The following PSG4 variants were observed in gnomAD, a reference collection of about 807,000 sequenced individuals.
PSG4 encodes pregnancy-specific beta-1-glycoprotein 4.
Under a neutral mutation model 44.3 loss-of-function variants are expected in PSG4, and 61 were observed. That is an observed-to-expected ratio of 1.38 (90% CI 1.12 to 1.70). PSG4 has a LOEUF of 1.70. PSG4 is among the 40% of genes most tolerant of loss of function. The probability of loss-of-function intolerance (pLI) is 0.00; values close to 1 mark genes in which losing one functional copy is unlikely to be tolerated. For missense variants in PSG4, 677 were observed against 511.7 expected, an observed-to-expected ratio of 1.32 and a Z score of -3.12; for synonymous variants, 248 against 191.3, an observed-to-expected ratio of 1.30 and a Z score of -2.45.
In PSG4 at chr19:43,195,162, C is replaced by T. The variant is rs745923046; in HGVS notation, c.821G>A (p.Trp274Ter). 8.1e-6 allele frequency: 13 copies of T among 1,610,298 alleles called. No individual in the cohort carries two copies. The East Asian group carries it at 2.9e-4, about 36-fold the overall frequency. The change falls in exon 4 of 6, where the codon TGG becomes TAG. Residue 274 changes from tryptophan to a stop codon, truncating the protein, a stop_gained. Coordinates refer to ENST00000405312, the MANE Select transcript of PSG4 (RefSeq NM_002780.5). LOFTEE classifies it high-confidence loss of function. ...PKSKNYTYIW[W>*]LNGQSLPVSP... ...GACAGGGAGGCTCTGACCATTTAGC[C>T]ACCAAATGTAGGTGTAGTTCTTACT...
At position 43,205,166 on chromosome 19, in the gene PSG4, A is replaced by G. The variant is rs542520817; in HGVS notation, c.64+307T>C. ...CCTGTCACCCAGGCTGGTGTGCAGTAGTGCTATCTTGGCTAGCTGCAACTT... is the reference window on the plus strand; with the variant it reads ...CCTGTCACCCAGGCTGGTGTGCAGTGGTGCTATCTTGGCTAGCTGCAACTT... On this transcript the variant is annotated intron_variant, in intron 1 of 5. Coordinates refer to ENST00000405312, the MANE Select transcript of PSG4 (RefSeq NM_002780.5). Among the ~76,000 whole-genome samples the G allele has an allele frequency of 3.2e-4, 37 of 116,816 alleles. 3 individuals are homozygous for G. In the South Asian group the frequency reaches 5.6e-3, roughly 18 times the overall value. 76.6% of individuals were successfully genotyped at this position (116,816 alleles called of 152,430 possible). A position where few individuals can be genotyped will look rare whatever the true frequency, so the allele number is the denominator to read the frequency against.
intron 3 of PSG4, among the ~76,000 whole-genome samples, chr19:43,196,118 G>A (rs1967234916): frequency 2.0e-5 from 3 of 151,792 alleles, no homozygotes; most frequent in East Asian, 3.9e-4. Flanking sequence ...GGAAAGTGTG[G>A]GAATGAACTG....
intron 5 of PSG4, 36 bp downstream of exon 5, chr19:43,194,304 A>G: frequency 6.2e-7 from 1 of 1,611,878 alleles, no homozygotes; most frequent in Non-Finnish European, 8.5e-7. Context: ...GACTCCACCT[A>G]AATCCCTATT....
intron 1 of PSG4, 117 bp from the exon 2 acceptor site, chr19:43,204,368 A>G: frequency 7.7e-7 from 1 of 1,292,602 alleles, no homozygotes; most frequent in Non-Finnish European, 1.1e-6. Flanking sequence ...ACACACATAC[A>G]AACACATACA....
intron 4 of PSG4, 196 bp downstream of exon 4, chr19:43,194,799 G>A (rs1284760708): frequency 2.7e-5 from 39 of 1,422,100 alleles, no homozygotes; most frequent in Non-Finnish European, 3.6e-5. Context: ...CCCATGACAA[G>A]AGCGTCCCCT....
chr19:43,194,351 A>G lies in PSG4; in HGVS notation c.1232T>C (p.Val411Ala). ...TGGGATCCACTTACCAGAGACTTTG[A>G]CTGTGATGGATTTGGAGCTTTCCTT... ...TGKESSKSITVKVSDWILP is the reference protein window; with the variant it reads ...TGKESSKSITAKVSDWILP Residue 411 changes from valine to alanine, a missense_variant, in exon 5 of 6, where the codon GTC (valine) becomes GCC (alanine). Transcript: ENST00000405312. The G allele has an allele frequency of 6.2e-7, 1 of 1,612,354 alleles. No homozygotes were observed. The highest frequency in any genetic ancestry group is 1.1e-5 in the South Asian group (1 of 91,026).
Position 43,192,754 on chromosome 19 carries a change from T to C in PSG4, c.*618A>G, listed in dbSNP as rs1441002182. 1 of 175,032 alleles carries C rather than the reference T, an allele frequency of 5.7e-6. No individual in the cohort carries two copies. The highest frequency in any genetic ancestry group is 5.5e-5 in the Admixed American group (1 of 18,212). 10.8% of individuals were successfully genotyped at this position (175,032 alleles called of 1,614,324 possible). A position where few individuals can be genotyped will look rare whatever the true frequency, so the allele number is the denominator to read the frequency against. ...TGCTAGAATCAGTATTACTGTCACG[T>C]TTTACACTGTATCTCTTAGGAAATG... On this transcript the variant is annotated 3_prime_UTR_variant, in exon 6 of 6. Coordinates refer to ENST00000405312, the MANE Select transcript of PSG4 (RefSeq NM_002780.5).
chr19:43,194,518 GA>G lies in PSG4; in HGVS notation c.1064del (p.Phe355SerfsTer30), dbSNP rs768985343. ...RSGENLYLSC[F>X]AESNPRAQYS... ...ATTGTGCCCGTGGGTTAGACTCGGC[GA>G]AGCAGGACAAGTAGAGGTTTTCTCC... On this transcript the variant is annotated frameshift_variant, in exon 5 of 6. Transcript: ENST00000405312. LOFTEE classifies it high-confidence loss of function. The G allele has an allele frequency of 6.2e-7, 1 of 1,612,568 alleles. No individual in the cohort carries two copies. The highest frequency in any genetic ancestry group is 2.2e-5 in the East Asian group (1 of 44,874).
chr19:43,193,295 T>C lies in PSG4; in HGVS notation c.*77A>G, dbSNP rs200149659. 8.4e-5 allele frequency: 65 copies of C among 773,452 alleles called. No homozygotes were observed. Among genetic ancestry groups the C allele is most frequent in the Non-Finnish European group, 9.3e-5 (39 of 417,592 alleles). The allele number at this position is 773,452 out of a possible 1,614,324, so 47.9% of individuals were successfully genotyped here. On this transcript the variant is annotated 3_prime_UTR_variant, in exon 6 of 6. Coordinates refer to ENST00000405312, the MANE Select transcript of PSG4 (RefSeq NM_002780.5). ...CATCGAGTTGTCCACCTCCAGCTTA[T>C]AGGGCTTCTGGAACAGAGTGGGTCT...
At chr19:43,193,819 G>C (rs1280764431) in intron 5 of PSG4, 3 of 561,156 alleles carry the variant, frequency 5.3e-6, no homozygotes, top group South Asian at 2.1e-5. Context: ...AATGTGTCCT[G>C]TTACAAAGAG....
chr19:43,201,849 C>A (rs1270728955), intron 2 of PSG4, among the ~76,000 whole-genome samples: 2 of 134,460 alleles, frequency 1.5e-5, no homozygotes, highest in African/African-American at 6.0e-5. Context: ...GTGCAGAAGG[C>A]CAGAAGAACT....
chr19:43,198,183 C>G lies in PSG4; in HGVS notation c.523G>C (p.Ala175Pro), dbSNP rs140068216. ...TTCATCCACCACTGGTAGCTTGCGG[C>G]TGGAGTCGCAGGATCACAGGTTAAG... ...VILTCDPATP[A>P]ASYQWWMNGQ... Residue 175 changes from alanine to proline, a missense_variant, in exon 3 of 6, where the codon GCC (alanine) becomes CCC (proline). By Grantham distance (27) the Ala-to-Pro change is conservative (BLOSUM62 -1). Coordinates refer to ENST00000405312, the MANE Select transcript of PSG4 (RefSeq NM_002780.5). The G allele has an allele frequency of 0.012, 18,261 of 1,587,800 alleles. 1,563 individuals carry two copies. The highest frequency in any genetic ancestry group is 0.013 in the Non-Finnish European group (15,805 of 1,171,876).
At chr19:43,194,752 C>A (rs1376745802) in intron 4 of PSG4, 158 bp from the exon 5 acceptor site, 4 of 1,424,118 alleles carry the variant, frequency 2.8e-6, no homozygotes, top group Non-Finnish European at 3.8e-6. Flanking sequence ...GAGGTATTCA[C>A]CTGTTTCTCC....
rs1450368768 is a variant in PSG4, at chr19:43,197,303, C to T, written c.709+694G>A. ...TTCCCTGATAGCTAGATAGACTTCA[C>T]TGGAAAACATATTGCCAATGCTCCA... On this transcript the variant is annotated intron_variant, in intron 3 of 5. Transcript: ENST00000405312. 1.0e-4 allele frequency among the ~76,000 whole-genome samples: 15 copies of T among 145,622 alleles called. 1 individual carries two copies. Among genetic ancestry groups the T allele is most frequent in the African/African-American group, 3.4e-4 (13 of 37,970 alleles).
rs557911300 is a variant in PSG4 at position 43,199,156 on chromosome 19, C to T, written c.431-881G>A. 3.8e-4 allele frequency among the ~76,000 whole-genome samples: 55 copies of T among 146,064 alleles called. 1 individual carries two copies. Among genetic ancestry groups the T allele is most frequent in the Admixed American group, 1.6e-3 (23 of 14,734 alleles). On this transcript the variant is annotated intron_variant, in intron 2 of 5. Transcript: ENST00000405312. Reference sequence around the variant, plus strand: ...AAGTCTGGCCCTCATGGACCATATGCGTTTGGTGGATATTAGACCAATATT... The same window carrying T: ...AAGTCTGGCCCTCATGGACCATATGTGTTTGGTGGATATTAGACCAATATT...
At chr19:43,205,238 G>C (rs1223514806) in intron 1 of PSG4, among the ~76,000 whole-genome samples, 2 of 141,146 alleles carry the variant, frequency 1.4e-5, no homozygotes, top group Admixed American at 1.4e-4. Flanking sequence ...CTCCTGAGTA[G>C]CTATGATTAC....
chr19:43,194,023 G>C (rs1349541598), intron 5 of PSG4: 1 of 1,007,246 alleles, frequency 9.9e-7, no homozygotes, highest in Non-Finnish European at 1.5e-6. Context: ...CATAAATCTA[G>C]AAAACAAACC....
intron 2 of PSG4, chr19:43,199,056 C>A (rs1320023408): frequency 1.4e-5 from 2 of 146,322 alleles, no homozygotes; most frequent in African/African-American, 2.6e-5. Flanking sequence ...CCATGTGGAT[C>A]TTTCTAGAAA....
intron 3 of PSG4, chr19:43,196,963 A>T (rs1967277238): frequency 6.8e-6 from 1 of 146,700 alleles, no homozygotes; most frequent in Admixed American, 6.8e-5. Flanking sequence ...CTTCCAATCC[A>T]TGAAAATGAA....
Sources: allele counts gnomAD v4.1 joint callset (sites outside exome capture counted in the v4.1 genomes callset), GRCh38; gene constraint gnomAD v4.1.1; transcripts MANE v1.5; gene names NCBI Gene and HGNC (gene_info 2026-07-23, HGNC 2026-07-21).